Variants in COL19A1 observed in about 807,000 individuals in gnomAD.
The protein encoded by COL19A1 is collagen type XIX alpha 1 chain.
Under a neutral mutation model 190.2 loss-of-function variants are expected in COL19A1, and 159 were observed. The ratio of observed to expected loss-of-function variants is 0.84; its 90% confidence interval spans 0.73 to 0.95. The LOEUF is 0.95. Ranked by LOEUF, COL19A1 falls within the 40% of genes least tolerant of loss-of-function variation. The pLI is 0.00. For missense variants in COL19A1, 1,418 were observed against 1,431.9 expected (o/e 0.99, Z 0.16); for synonymous variants, 509 against 458.9 (o/e 1.11, Z -1.39).
At chr6:69,896,461 C>T (rs891984957) in intron 2 of COL19A1, among the ~76,000 whole-genome samples, 54 of 146,786 alleles carry the variant, frequency 3.7e-4, no homozygotes, top group African/African-American at 1.3e-3. Context: ...GGCGTGAACC[C>T]GGGAGGCGGA....
chr6:69,906,070 A>G (rs549447731), intron 4 of COL19A1, among the ~76,000 whole-genome samples: 51 of 152,248 alleles, frequency 3.3e-4, no homozygotes, highest in Non-Finnish European at 6.5e-4. Flanking sequence ...AATTGGTAAA[A>G]TACTGAGTAA....
intron 20 of COL19A1, 63 bp downstream of exon 20, chr6:70,141,052 T>C: frequency 6.9e-7 from 1 of 1,449,866 alleles, no homozygotes; most frequent in Non-Finnish European, 9.6e-7. Flanking sequence ...CTCTCTGATT[T>C]TCTGGTATGT....
chr6:70,064,114 C>G (rs1352730940), intron 14 of COL19A1, among the ~76,000 whole-genome samples: 1 of 152,140 alleles, frequency 6.6e-6, no homozygotes, highest in Non-Finnish European at 1.5e-5. Flanking sequence ...AGAATCCTCC[C>G]TAACTCATTT....
At chr6:69,947,599 C>T (rs936242611) in intron 9 of COL19A1, among the ~76,000 whole-genome samples, 5 of 151,594 alleles carry the variant, frequency 3.3e-5, no homozygotes, top group African/African-American at 1.2e-4. Context: ...GTTTTTGTGG[C>T]ATTCTAGCTG....
chr6:70,119,720 A>C (rs1784773645), intron 16 of COL19A1, among the ~76,000 whole-genome samples: 1 of 152,212 alleles, frequency 6.6e-6, no homozygotes, highest in Admixed American at 6.5e-5. Flanking sequence ...GAATGATGGG[A>C]CATTCCTCCT....
At chr6:69,974,732 A>G (rs1405945762) in intron 11 of COL19A1, among the ~76,000 whole-genome samples, 1 of 151,310 alleles carries the variant, frequency 6.6e-6, no homozygotes, top group Admixed American at 6.6e-5. Flanking sequence ...AATCTTTCAG[A>G]CCAGTGTTTT....
At chr6:70,131,085 T>G (rs1222120938) in intron 18 of COL19A1, 2 of 461,698 alleles carry the variant, frequency 4.3e-6, no homozygotes, top group African/African-American at 4.0e-5. Context: ...GATGACAGAT[T>G]CACTTCCCCA....
chr6:69,938,074 G>C lies in COL19A1; in HGVS notation c.910G>C (p.Gly304Arg). 1 of 1,612,636 alleles carries C rather than the reference G, an allele frequency of 6.2e-7. No individual in the cohort carries two copies. The highest frequency in any genetic ancestry group is 1.3e-5 in the African/African-American group (1 of 74,904). ...AGLPGAPGSP[G>R]QKGHKGEPGE... ...ATTACCAGGAGCTCCGGGTTCACCTGGGCAGAAAGGGCATAAAGGAGAGCC... is the reference window on the plus strand; with the variant it reads ...ATTACCAGGAGCTCCGGGTTCACCTCGGCAGAAAGGGCATAAAGGAGAGCC... The change falls in exon 9 of 51, where the codon GGG (glycine) becomes CGG (arginine). Residue 304 changes from glycine to arginine, a missense_variant. Coordinates refer to ENST00000620364, the MANE Select transcript of COL19A1 (RefSeq NM_001858.6).
intron 14 of COL19A1, among the ~76,000 whole-genome samples, chr6:70,058,164 G>T (rs765612210): frequency 6.6e-6 from 1 of 151,926 alleles, no homozygotes; most frequent in African/African-American, 2.4e-5. Context: ...ATAATAAAAA[G>T]ATAAGTTTTC....
At position 69,945,801 on chromosome 6, in the gene COL19A1, A is replaced by G. The variant is rs182786369; in HGVS notation, c.936+7701A>G. ...AGTATCATTATAATAATGGTATTAC[A>G]TATTCATAAAATTACAATATATTTC... On this transcript the variant is annotated intron_variant, in intron 9 of 50. Transcript: ENST00000620364. 1.5e-3 allele frequency among the ~76,000 whole-genome samples: 222 copies of G among 152,162 alleles called. 2 individuals carry two copies. The highest frequency in any genetic ancestry group is 1.7e-3 in the Admixed American group (26 of 15,244).
intron 19 of COL19A1, 105 bp from the exon 20 acceptor site, chr6:70,140,849 T>C (rs1469516409): frequency 1.2e-5 from 12 of 1,004,456 alleles, no homozygotes; most frequent in Non-Finnish European, 1.6e-6. Context: ...TGGAGGTCTG[T>C]TTGCAATGGG....
At position 70,203,864 on chromosome 6, in the gene COL19A1, A is replaced by ATTT. The variant is rs11444591; in HGVS notation, c.3224-3027_3224-3025dup. On this transcript the variant is annotated intron_variant, in intron 49 of 50. Coordinates refer to ENST00000620364, the MANE Select transcript of COL19A1 (RefSeq NM_001858.6). ...TTTTATCAAGCTGTCATCCTGTAGAATTTTTTTTTTTTGAGCCGGATTTTC... is the reference window on the plus strand; with the variant it reads ...TTTTATCAAGCTGTCATCCTGTAGAATTTTTTTTTTTTTTTGAGCCGGATTTTC... Among the ~76,000 whole-genome samples, 447 of 146,824 alleles carry ATTT rather than the reference A, an allele frequency of 3.0e-3. 1 individual carries two copies. The highest frequency in any genetic ancestry group is 0.01 in the African/African-American group (417 of 40,348).
At chr6:70,206,682 T>TTCTTAAAA (rs1186874881) in intron 49 of COL19A1, among the ~76,000 whole-genome samples, 1 of 150,874 alleles carries the variant, frequency 6.6e-6, no homozygotes. Context: ...CTTTTTATAG[T>TTCTTAAAA]AATTGCATGT....
intron 1 of COL19A1, chr6:69,867,327 C>A: frequency 6.5e-6 from 1 of 153,188 alleles, no homozygotes; most frequent in South Asian, 1.9e-4. Context: ...CTTAATTACC[C>A]TGCAGCATGC....
intron 4 of COL19A1, among the ~76,000 whole-genome samples, chr6:69,923,819 G>A (rs1201703363): frequency 6.6e-6 from 1 of 152,278 alleles, no homozygotes; most frequent in African/African-American, 2.4e-5. Context: ...TAAACTACCA[G>A]CCTGAACATT....
chr6:70,056,445 C>G (rs1039399994), intron 14 of COL19A1, among the ~76,000 whole-genome samples: 1 of 152,242 alleles, frequency 6.6e-6, no homozygotes, highest in African/African-American at 2.4e-5. Context: ...AGTCTTCATT[C>G]AAGAAAGCAG....
chr6:70,076,683 T>C (rs1781901977), intron 15 of COL19A1, among the ~76,000 whole-genome samples: 1 of 152,190 alleles, frequency 6.6e-6, no homozygotes, highest in Non-Finnish European at 1.5e-5. Context: ...TATCATAACT[T>C]AGCCCTCAGG....
chr6:70,121,888 T>A lies in COL19A1; in HGVS notation c.1287T>A (p.Pro429=). ...KPGPPGPPGP[P]GIQGIHQTLG... is the part of the protein sequence containing the mutation. Reference sequence around the variant, plus strand: ...ATTTGTTTATAATACAGGGACCTCCTGGAATACAAGGAATACACCAAACTC... The same window carrying A: ...ATTTGTTTATAATACAGGGACCTCCAGGAATACAAGGAATACACCAAACTC... Residue 429 remains proline, a synonymous_variant, in exon 17 of 51, where the codon CCT becomes CCA. Coordinates refer to ENST00000620364, the MANE Select transcript of COL19A1 (RefSeq NM_001858.6). 6.3e-7 allele frequency: 1 copy of A among 1,583,496 alleles called. No homozygotes were observed. Among genetic ancestry groups the A allele is most frequent in the Non-Finnish European group, 8.6e-7 (1 of 1,165,764 alleles).
chr6:69,935,222 A>G (rs2150018572), intron 7 of COL19A1, among the ~76,000 whole-genome samples: 1 of 152,216 alleles, frequency 6.6e-6, no homozygotes, highest in Non-Finnish European at 1.5e-5. Context: ...CTAATACTGA[A>G]TATGTGTCAA....
Sources: allele counts gnomAD v4.1 joint callset (sites outside exome capture counted in the v4.1 genomes callset), GRCh38; gene constraint gnomAD v4.1.1; transcripts MANE v1.5; gene names NCBI Gene and HGNC (gene_info 2026-07-23, HGNC 2026-07-21).